Variants in NRP2 observed in about 807,000 individuals in gnomAD.
The protein encoded by NRP2 is neuropilin 2.
Under a neutral mutation model 110.4 loss-of-function variants are expected in NRP2, and 52 were observed. The ratio of observed to expected loss-of-function variants is 0.47; its 90% CI spans 0.38 to 0.59. The LOEUF is 0.59. Among genes scored for constraint, NRP2 ranks in the 20% least tolerant of loss-of-function variants. NRP2 has a pLI of 0.00. For missense variants in NRP2, 1,049 were observed against 1,203.0 expected, an observed-to-expected ratio of 0.87 and a Z score of 1.89; for synonymous variants, 508 against 468.9, an observed-to-expected ratio of 1.08 and a Z score of -1.08.
chr2:205,733,217 C>T (rs969858607), intron 7 of NRP2, among the ~76,000 whole-genome samples: 5 of 152,226 alleles, frequency 3.3e-5, no homozygotes, highest in African/African-American at 1.2e-4. Context: ...AACCTTTTCT[C>T]TATCAGGCTC....
At chr2:205,712,011 T>C (rs765217309) in intron 2 of NRP2, among the ~76,000 whole-genome samples, 1 of 152,188 alleles carries the variant, frequency 6.6e-6, no homozygotes, top group Non-Finnish European at 1.5e-5. Context: ...ATCTCTCCCG[T>C]GGACTCTTAA....
intron 4 of NRP2, 130 bp downstream of exon 4, chr2:205,722,838 C>A: frequency 1.4e-6 from 1 of 719,738 alleles, no homozygotes; most frequent in South Asian, 1.6e-5. Flanking sequence ...GTGACTTTCT[C>A]TTCTTCCCCT....
intron 2 of NRP2, among the ~76,000 whole-genome samples, chr2:205,715,097 C>T (rs2056868389): frequency 6.6e-6 from 1 of 152,164 alleles, no homozygotes; most frequent in African/African-American, 2.4e-5. Context: ...AATAATGGTG[C>T]AGCGGCCAGC....
intron 12 of NRP2, among the ~76,000 whole-genome samples, chr2:205,753,448 A>G (rs2057684746): frequency 6.6e-6 from 1 of 152,178 alleles, no homozygotes; most frequent in Non-Finnish European, 1.5e-5. Flanking sequence ...AGTCAATTTG[A>G]GGGACCAAAA....
intron 15 of NRP2, among the ~76,000 whole-genome samples, chr2:205,783,467 G>A (rs2105961617): frequency 6.6e-6 from 1 of 152,320 alleles, no homozygotes; most frequent in East Asian, 1.9e-4. Context: ...GCAGTATTGT[G>A]CTGCAGACTA....
intron 15 of NRP2, 170 bp downstream of exon 15, chr2:205,766,973 C>A: frequency 9.2e-6 from 6 of 653,110 alleles, no homozygotes; most frequent in South Asian, 5.3e-5. Context: ...CCTGTAGATG[C>A]GGGAAGGGGA....
intron 15 of NRP2, among the ~76,000 whole-genome samples, chr2:205,771,232 T>C (rs1374185415): frequency 1.3e-5 from 2 of 152,214 alleles, no homozygotes; most frequent in Non-Finnish European, 2.9e-5. Context: ...CGCCACACCA[T>C]GCTCATAAGG....
At position 205,686,670 on chromosome 2, in the gene NRP2, A is replaced by T. The variant is rs2056173190; in HGVS notation, c.73+3307A>T. Among the ~76,000 whole-genome samples, 2 of 152,038 alleles carry T rather than the reference A, an allele frequency of 1.3e-5. No individual in the cohort carries two copies. The highest frequency in any genetic ancestry group is 4.8e-5 in the African/African-American group (2 of 41,388). On this transcript the variant is annotated intron_variant, in intron 1 of 16. Coordinates refer to ENST00000357785, the MANE Select transcript of NRP2 (RefSeq NM_003872.3). This position sits in a 1 kb window ranked among gnomAD's most constrained non-coding sequence, Gnocchi z 4.7. ...CTCTGGGAATCATCTGGGTTGGGGAACCTTCGGGAATCAGCTTTCCAGACC... is the reference window on the plus strand; with the variant it reads ...CTCTGGGAATCATCTGGGTTGGGGATCCTTCGGGAATCAGCTTTCCAGACC...
chr2:205,719,546 G>T (rs2056970616), intron 3 of NRP2, among the ~76,000 whole-genome samples: 1 of 151,988 alleles, frequency 6.6e-6, no homozygotes, highest in Non-Finnish European at 1.5e-5. Flanking sequence ...ATGTGTGTGT[G>T]TGTGTGTTTG....
intron 15 of NRP2, among the ~76,000 whole-genome samples, chr2:205,770,130 G>T (rs2057997380): frequency 6.6e-6 from 1 of 152,160 alleles, no homozygotes; most frequent in South Asian, 2.1e-4. Context: ...ACCTGTGGAA[G>T]GTGGTTGTCA....
At chr2:205,735,770 A>C (rs764485087) in intron 7 of NRP2, among the ~76,000 whole-genome samples, 3 of 152,132 alleles carry the variant, frequency 2.0e-5, no homozygotes, top group Non-Finnish European at 2.9e-5. Context: ...CTCAAGAATC[A>C]ATTGAAAAAT....
At chr2:205,685,921 T>A (rs1447786449) in intron 1 of NRP2, 3 of 152,252 alleles carry the variant, frequency 2.0e-5, no homozygotes, top group Admixed American at 1.3e-4. Flanking sequence ...GCACAGCCTC[T>A]AGAAGCGCCG....
intron 7 of NRP2, among the ~76,000 whole-genome samples, chr2:205,728,358 A>C (rs1267460117): frequency 6.6e-6 from 1 of 152,200 alleles, no homozygotes; most frequent in Non-Finnish European, 1.5e-5. Flanking sequence ...CCCAGGATTC[A>C]CTGAACATTT....
intron 2 of NRP2, among the ~76,000 whole-genome samples, chr2:205,699,109 A>G (rs566072095): frequency 5.9e-5 from 9 of 152,372 alleles, no homozygotes; most frequent in African/African-American, 1.4e-4. Flanking sequence ...ACGAAGAGTC[A>G]TAAGATGAAG....
chr2:205,735,830 C>A (rs1225853161), intron 7 of NRP2, among the ~76,000 whole-genome samples: 1 of 152,130 alleles, frequency 6.6e-6, no homozygotes, highest in African/African-American at 2.4e-5. Context: ...TTATCCAGAC[C>A]ACTTTGTGCC....
intron 2 of NRP2, among the ~76,000 whole-genome samples, chr2:205,698,098 C>T (rs1328030149): frequency 6.6e-6 from 1 of 152,046 alleles, no homozygotes; most frequent in Non-Finnish European, 1.5e-5. Flanking sequence ...TAAACCCCAC[C>T]CACTTCCTTA....
chr2:205,700,650 A>G (rs754175931), intron 2 of NRP2: 1 of 513,328 alleles, frequency 1.9e-6, no homozygotes, highest in Non-Finnish European at 3.9e-6. Context: ...GTTGCTGAGT[A>G]AACCCCAGAT....
In NRP2 at chr2:205,795,376, T is replaced by TTAC. The variant is rs1052712225; in HGVS notation, c.*320_*321insCTA. On this transcript the variant is annotated 3_prime_UTR_variant, in exon 17 of 17. Coordinates refer to ENST00000357785, the MANE Select transcript of NRP2 (RefSeq NM_003872.3). ...TTGTGAGTTTGTATTATTATTATTA[T>TTAC]TATTATTATTATTATATTTTATTTC... The TTAC allele has an allele frequency of 3.3e-5, 5 of 150,620 alleles. No homozygotes were observed. The Admixed American group carries it at 3.3e-4, about 10-fold the overall frequency. The allele number at this position is 150,620 out of a possible 1,614,324, so 9.3% of individuals were successfully genotyped here. A position where few individuals can be genotyped will look rare whatever the true frequency, so the allele number is the denominator to read the frequency against.
intron 15 of NRP2, among the ~76,000 whole-genome samples, chr2:205,771,064 A>G (rs1053106229): frequency 6.6e-6 from 1 of 152,262 alleles, no homozygotes; most frequent in Non-Finnish European, 1.5e-5. Context: ...GACAAGACTC[A>G]GTTTACAGAA....
Sources: allele counts gnomAD v4.1 joint callset (sites outside exome capture counted in the v4.1 genomes callset), GRCh38; gene constraint gnomAD v4.1.1; non-coding constraint Gnocchi (gnomAD v3.1); transcripts MANE v1.5; gene names NCBI Gene and HGNC (gene_info 2026-07-23, HGNC 2026-07-21).